Variants in SLC9A9 observed in about 807,000 individuals in gnomAD.
The protein encoded by SLC9A9 is solute carrier family 9 member A9, also known as sodium/hydrogen exchanger 9.
A neutral mutation model predicts 77.8 loss-of-function variants in SLC9A9; 62 were observed. The observed-to-expected ratio is 0.80, with a 90% CI of 0.65 to 0.98. The LOEUF (loss-of-function observed/expected upper bound fraction) is 0.98, where lower values mean the gene tolerates loss of function less well. Ranked by LOEUF, SLC9A9 falls within the 50% of genes least tolerant of loss-of-function variation. The pLI is 0.00. For missense variants in SLC9A9, 775 were observed against 774.9 expected (o/e 1.00, Z 0.00); for synonymous variants, 320 against 283.5 (o/e 1.13, Z -1.29).
In SLC9A9 at chr3:143,507,518, A is replaced by G. The variant is rs181286340; in HGVS notation, c.1090-12070T>C. 2.9e-4 allele frequency among the ~76,000 whole-genome samples: 44 copies of G among 152,240 alleles called. No individual in the cohort carries two copies. The East Asian group carries it at 7.5e-3, about 26-fold the overall frequency. On this transcript the variant is annotated intron_variant, in intron 9 of 15. Transcript: ENST00000316549. ...CACTGCGCCTGGCCCAGCCTCTCTCATTATTAATATCCCTCATTAGAGTTG... is the reference window on the plus strand; with the variant it reads ...CACTGCGCCTGGCCCAGCCTCTCTCGTTATTAATATCCCTCATTAGAGTTG...
intron 12 of SLC9A9, among the ~76,000 whole-genome samples, chr3:143,418,152 C>G (rs2108525263): frequency 6.6e-6 from 1 of 150,890 alleles, no homozygotes; most frequent in East Asian, 2.0e-4. Flanking sequence ...ATCCGGGCAT[C>G]TGGTCCAGAG....
chr3:143,453,790 G>T (rs2035046411), intron 12 of SLC9A9, among the ~76,000 whole-genome samples: 1 of 152,148 alleles, frequency 6.6e-6, no homozygotes, highest in Non-Finnish European at 1.5e-5. Flanking sequence ...GCCTAGGAGA[G>T]AGAATGCTTG....
At chr3:143,292,941 GACACTAATT>G (rs2030079851) in intron 14 of SLC9A9, among the ~76,000 whole-genome samples, 1 of 152,106 alleles carries the variant, frequency 6.6e-6, no homozygotes, top group Non-Finnish European at 1.5e-5. Flanking sequence ...AAATAAGAAA[GACACTAATT>G]ACACTAAGGC....
At chr3:143,457,127 C>T (rs571067505) in intron 12 of SLC9A9, among the ~76,000 whole-genome samples, 17 of 152,044 alleles carry the variant, frequency 1.1e-4, no homozygotes, top group Non-Finnish European at 2.1e-4. Flanking sequence ...TCAAATGATC[C>T]TCTTGCCTCA....
At chr3:143,512,923 T>C (rs140056189) in intron 9 of SLC9A9, among the ~76,000 whole-genome samples, 1 of 152,248 alleles carries the variant, frequency 6.6e-6, no homozygotes, top group East Asian at 1.9e-4. Flanking sequence ...GTACATGTAT[T>C]CATTAAAAAT....
At chr3:143,384,683 A>T (rs1270611591) in intron 12 of SLC9A9, among the ~76,000 whole-genome samples, 1 of 152,168 alleles carries the variant, frequency 6.6e-6, no homozygotes, top group Non-Finnish European at 1.5e-5. Flanking sequence ...GGCATCTCAG[A>T]GACCTGACTG....
intron 12 of SLC9A9, among the ~76,000 whole-genome samples, chr3:143,459,703 C>T (rs966725899): frequency 5.3e-5 from 8 of 152,122 alleles, no homozygotes; most frequent in African/African-American, 1.9e-4. Flanking sequence ...ACTCCCTTCT[C>T]TCTACAATCT....
intron 6 of SLC9A9, among the ~76,000 whole-genome samples, chr3:143,593,686 G>A (rs1576597958): frequency 6.6e-6 from 1 of 152,280 alleles, no homozygotes; most frequent in Non-Finnish European, 1.5e-5. Context: ...GAGAGGGGCT[G>A]TAAAATTTAT....
At chr3:143,476,928 C>T (rs936583276) in intron 11 of SLC9A9, among the ~76,000 whole-genome samples, 1 of 152,130 alleles carries the variant, frequency 6.6e-6, no homozygotes, top group South Asian at 2.1e-4. Flanking sequence ...CCCCAAATGT[C>T]CATAGTTGCT....
intron 6 of SLC9A9, among the ~76,000 whole-genome samples, chr3:143,602,338 A>G (rs1273780464): frequency 1.3e-5 from 2 of 152,206 alleles, no homozygotes; most frequent in Non-Finnish European, 2.9e-5. Context: ...CCCAAGAACT[A>G]GGTCAACACA....
chr3:143,509,526 T>G (rs1001891176), intron 9 of SLC9A9, among the ~76,000 whole-genome samples: 4 of 152,140 alleles, frequency 2.6e-5, no homozygotes, highest in Admixed American at 1.3e-4. Context: ...ATGCCAAAAA[T>G]TATAAATTAT....
intron 14 of SLC9A9, among the ~76,000 whole-genome samples, chr3:143,298,908 G>A (rs1245642842): frequency 2.0e-5 from 3 of 152,140 alleles, no homozygotes; most frequent in Non-Finnish European, 4.4e-5. Context: ...CAAATCCTGA[G>A]GCCACCATTG....
chr3:143,345,786 A>G (rs1460436794), intron 14 of SLC9A9, among the ~76,000 whole-genome samples: 2 of 152,146 alleles, frequency 1.3e-5, no homozygotes, highest in Non-Finnish European at 2.9e-5. Context: ...GTTTTTCCAG[A>G]TGGGTATAAC....
At chr3:143,780,559 A>G (rs2007840241) in intron 4 of SLC9A9, among the ~76,000 whole-genome samples, 1 of 152,254 alleles carries the variant, frequency 6.6e-6, no homozygotes, top group Admixed American at 6.5e-5. Context: ...GCTAATATTC[A>G]TTCTGCAAAA....
At chr3:143,694,107 A>C (rs896551792) in intron 4 of SLC9A9, among the ~76,000 whole-genome samples, 2 of 152,136 alleles carry the variant, frequency 1.3e-5, no homozygotes, top group African/African-American at 4.8e-5. Flanking sequence ...AAGAACTGTA[A>C]GAGTCTTTAG....
At chr3:143,704,499 C>T (rs977691097) in intron 4 of SLC9A9, among the ~76,000 whole-genome samples, 2 of 152,050 alleles carry the variant, frequency 1.3e-5, no homozygotes, top group Admixed American at 6.6e-5. Flanking sequence ...ATGACAAAAA[C>T]GCATTTGATA....
chr3:143,816,637 T>C (rs6807009), intron 2 of SLC9A9, among the ~76,000 whole-genome samples: 7,515 of 152,276 alleles, frequency 0.049, 608 homozygotes, highest in African/African-American at 0.17. Flanking sequence ...TACTTAAGTC[T>C]GTGTATACAT....
intron 6 of SLC9A9, among the ~76,000 whole-genome samples, chr3:143,591,789 A>T (rs1298192185): frequency 6.6e-6 from 1 of 152,210 alleles, no homozygotes; most frequent in East Asian, 1.9e-4. Context: ...GCCTTGAAGT[A>T]CCAAGAGGAT....
intron 12 of SLC9A9, among the ~76,000 whole-genome samples, chr3:143,392,130 A>G (rs944923570): frequency 6.6e-6 from 1 of 152,268 alleles, no homozygotes; most frequent in African/African-American, 2.4e-5. Context: ...GAGAAGAGCA[A>G]CTCCAAGACA....
Sources: gnomAD v4.1 joint callset for allele counts (sites outside exome capture counted in the v4.1 genomes callset) on GRCh38, gnomAD v4.1.1 for gene constraint, MANE v1.5 for transcripts, NCBI Gene and HGNC (gene_info 2026-07-23, HGNC 2026-07-21) for gene names.